Variants in CNGB3 observed in about 807,000 individuals in gnomAD.
The protein encoded by CNGB3 is cyclic nucleotide-gated channel beta-3.
CNGB3 carries 86 observed loss-of-function variants against 92.8 expected under a neutral mutation model. That is an observed-to-expected ratio of 0.93 (90% CI 0.78 to 1.11). The LOEUF is 1.11. CNGB3 is among the 50% of genes least tolerant of loss of function. The pLI is 0.00. For synonymous variants in CNGB3, 333 were observed against 332.7 expected, an observed-to-expected ratio of 1.00 and a Z score of -0.01; for missense variants, 1,026 against 956.8, an observed-to-expected ratio of 1.07 and a Z score of -0.95.
At chr8:86,634,255 A>G (rs1823020728) in intron 10 of CNGB3, among the ~76,000 whole-genome samples, 1 of 152,192 alleles carries the variant, frequency 6.6e-6, no homozygotes, top group East Asian at 1.9e-4. Flanking sequence ...ATGGTATTCA[A>G]TAAATTACAT....
intron 5 of CNGB3, 70 bp downstream of exon 5, chr8:86,667,949 G>T: frequency 6.5e-7 from 1 of 1,531,728 alleles, no homozygotes; most frequent in Non-Finnish European, 9.0e-7. Context: ...AGCTATCTGT[G>T]ACTTTGAGTC....
chr8:86,739,620 G>GTTTTTTTTTTTTTT (rs78198409), intron 2 of CNGB3, 35 bp downstream of exon 2: 7 of 1,489,146 alleles, frequency 4.7e-6, no homozygotes, highest in Admixed American at 2.0e-5. Context: ...TCACTTTTTA[G>GTTTTTTTTTTTTTT]TTTTTTTTTT....
At chr8:86,695,342 G>A (rs1220141942) in intron 3 of CNGB3, among the ~76,000 whole-genome samples, 1 of 135,946 alleles carries the variant, frequency 7.4e-6, no homozygotes, top group East Asian at 2.2e-4. Context: ...GAGAGGGAGA[G>A]CCTTTGTTCA....
intron 10 of CNGB3, among the ~76,000 whole-genome samples, chr8:86,642,748 C>T (rs1333495197): frequency 1.3e-5 from 2 of 151,688 alleles, no homozygotes; most frequent in African/African-American, 4.8e-5. Flanking sequence ...ATTAAATAAC[C>T]CAGTTGCCAT....
At chr8:86,696,189 C>T (rs1202024864) in intron 3 of CNGB3, among the ~76,000 whole-genome samples, 1 of 152,186 alleles carries the variant, frequency 6.6e-6, no homozygotes, top group Admixed American at 6.5e-5. Flanking sequence ...CAGGGCGTTG[C>T]AGGCAGTGGA....
At chr8:86,643,266 C>G (rs1318174929) in intron 10 of CNGB3, among the ~76,000 whole-genome samples, 1 of 151,440 alleles carries the variant, frequency 6.6e-6, no homozygotes, top group East Asian at 1.9e-4. Flanking sequence ...AATTTTGTTA[C>G]ATGTATACAA....
At chr8:86,590,469 G>A (rs935340917) in intron 15 of CNGB3, among the ~76,000 whole-genome samples, 12 of 152,032 alleles carry the variant, frequency 7.9e-5, no homozygotes, top group South Asian at 2.1e-4. Context: ...ATTTTGCAGC[G>A]GCTGGTACCA....
chr8:86,578,613 A>G, intron 17 of CNGB3, 76 bp downstream of exon 17: 14 of 1,357,766 alleles, frequency 1.0e-5, no homozygotes, highest in Non-Finnish European at 1.5e-5. Context: ...AAATGGAATT[A>G]GAGTGGGCGT....
At chr8:86,672,439 A>G (rs942103858) in intron 3 of CNGB3, among the ~76,000 whole-genome samples, 1 of 152,196 alleles carries the variant, frequency 6.6e-6, no homozygotes, top group Non-Finnish European at 1.5e-5. Flanking sequence ...ACAGCCTAGC[A>G]TGGAGCATAG....
At chr8:86,657,637 C>T in intron 6 of CNGB3, 1 of 407,408 alleles carries the variant, frequency 2.5e-6, no homozygotes, top group Admixed American at 3.3e-5. Flanking sequence ...GGAGCTGGGG[C>T]ACCTGGAGCG....
At chr8:86,673,808 T>A (rs1823912470) in intron 3 of CNGB3, among the ~76,000 whole-genome samples, 1 of 152,096 alleles carries the variant, frequency 6.6e-6, no homozygotes, top group Non-Finnish European at 1.5e-5. Flanking sequence ...TGTGTGTGTA[T>A]CTTCAGTTTG....
chr8:86,586,516 G>A (rs1453213515), intron 15 of CNGB3, among the ~76,000 whole-genome samples: 1 of 130,244 alleles, frequency 7.7e-6, no homozygotes. Context: ...TCCCCAGAGT[G>A]TGATGTTCCC....
chr8:86,620,087 G>A (rs559013377), intron 13 of CNGB3, among the ~76,000 whole-genome samples: 2 of 152,228 alleles, frequency 1.3e-5, no homozygotes, highest in South Asian at 4.1e-4. Context: ...TCCGGATAGG[G>A]TTGGTAGAGA....
chr8:86,721,002 T>G (rs1169856864), intron 3 of CNGB3, among the ~76,000 whole-genome samples: 3 of 151,950 alleles, frequency 2.0e-5, no homozygotes, highest in African/African-American at 7.3e-5. Flanking sequence ...AGTCTTGCTC[T>G]GTTGTCCAGG....
At chr8:86,595,729 A>G (rs2131551516) in intron 15 of CNGB3, among the ~76,000 whole-genome samples, 1 of 152,284 alleles carries the variant, frequency 6.6e-6, no homozygotes, top group Admixed American at 6.5e-5. Flanking sequence ...TATTCTGATG[A>G]AGAGTAAGAA....
intron 3 of CNGB3, among the ~76,000 whole-genome samples, chr8:86,690,950 T>G (rs934133087): frequency 3.9e-5 from 6 of 152,216 alleles, no homozygotes; most frequent in Non-Finnish European, 7.3e-5. Context: ...CATGCTGTTT[T>G]GGTTACTGTA....
chr8:86,702,095 A>G (rs893286217), intron 3 of CNGB3, among the ~76,000 whole-genome samples: 6 of 152,232 alleles, frequency 3.9e-5, no homozygotes, highest in Admixed American at 1.3e-4. Context: ...TGCTATAAGA[A>G]GTTCTTTACA....
rs149024664 is a variant in CNGB3 at position 86,619,514 on chromosome 8, T to C, written c.1578+6469A>G. Reference sequence around the variant, plus strand: ...TGATCACCCATGTTGAAGCAGCAAATCTTACTAATTAACCACAATTTATTG... The same window carrying C: ...TGATCACCCATGTTGAAGCAGCAAACCTTACTAATTAACCACAATTTATTG... On this transcript the variant is annotated intron_variant, in intron 13 of 17. Coordinates refer to ENST00000320005, the MANE Select transcript of CNGB3 (RefSeq NM_019098.5). Among the ~76,000 whole-genome samples the C allele has an allele frequency of 6.3e-3, 964 of 152,236 alleles. 17 individuals carry two copies. The highest frequency in any genetic ancestry group is 8.3e-3 in the Non-Finnish European group (563 of 68,018).
rs79523569 is a variant in CNGB3 at position 86,628,305 on chromosome 8, T to C, written c.1480+614A>G. Among the ~76,000 whole-genome samples the C allele has an allele frequency of 2.0e-3, 297 of 152,286 alleles. 10 individuals are homozygous for C. The East Asian group carries it at 0.054, about 28-fold the overall frequency. On this transcript the variant is annotated intron_variant, in intron 12 of 17. Transcript: ENST00000320005. ...CATGTTGGCCAGGCTGGTCTTGAACTCCTGACCTCAAGTGATCTGCCTGCC... is the reference window on the plus strand; with the variant it reads ...CATGTTGGCCAGGCTGGTCTTGAACCCCTGACCTCAAGTGATCTGCCTGCC...
Sources: allele counts gnomAD v4.1 joint callset (sites outside exome capture counted in the v4.1 genomes callset), GRCh38; gene constraint gnomAD v4.1.1; transcripts MANE v1.5; gene names NCBI Gene and HGNC (gene_info 2026-07-23, HGNC 2026-07-21).